KCNU1: variants seen among roughly 807,000 people sequenced by gnomAD.
The protein encoded by KCNU1 is potassium calcium-activated channel subfamily U member 1, also known as potassium channel subfamily U member 1.
Under a neutral mutation model 126.8 loss-of-function variants are expected in KCNU1, and 93 were observed. The ratio of observed to expected loss-of-function variants is 0.73; its 90% confidence interval spans 0.62 to 0.87. KCNU1 has a LOEUF of 0.87. Among genes scored for constraint, KCNU1 ranks in the 40% least tolerant of loss-of-function variants. KCNU1 has a pLI of 0.00. For missense variants in KCNU1, 1,330 were observed against 1,367.1 expected (o/e 0.97, Z 0.43); for synonymous variants, 523 against 494.2 (o/e 1.06, Z -0.77).
At chr8:36,841,608 A>G (rs1308308997) in intron 16 of KCNU1, among the ~76,000 whole-genome samples, 1 of 152,156 alleles carries the variant, frequency 6.6e-6, no homozygotes, top group East Asian at 1.9e-4. Context: ...ACGCATGAGA[A>G]TTGCTTGAAC....
At chr8:36,817,612 G>A (rs757912470) in intron 9 of KCNU1, 38 bp from the exon 10 acceptor site, 10 of 1,044,504 alleles carry the variant, frequency 9.6e-6, no homozygotes, top group Non-Finnish European at 1.5e-5. Flanking sequence ...GTGCTTATGT[G>A]CCTCGGATGA....
At chr8:36,931,276 A>G (rs1051360270) in intron 25 of KCNU1, 131 bp downstream of exon 25, 1 of 514,252 alleles carries the variant, frequency 1.9e-6, no homozygotes, top group Non-Finnish European at 3.4e-6. Context: ...TAACAAAAAA[A>G]GAATACAAGT....
At chr8:36,899,395 A>G (rs1186504554) in intron 19 of KCNU1, among the ~76,000 whole-genome samples, 1 of 151,956 alleles carries the variant, frequency 6.6e-6, no homozygotes, top group African/African-American at 2.4e-5. Context: ...CAAACAGAAC[A>G]CTCTGCTCAC....
chr8:36,895,021 A>T (rs1486311656), intron 19 of KCNU1, among the ~76,000 whole-genome samples: 1 of 152,078 alleles, frequency 6.6e-6, no homozygotes, highest in East Asian at 1.9e-4. Flanking sequence ...AAGAAATAAA[A>T]TCTGAATATC....
intron 24 of KCNU1, among the ~76,000 whole-genome samples, chr8:36,929,971 A>G (rs1006059212): frequency 3.3e-5 from 5 of 152,150 alleles, no homozygotes; most frequent in Non-Finnish European, 5.9e-5. Context: ...ATTTCAGAAG[A>G]TGGATCCCTG....
Position 36,909,326 on chromosome 8 carries a change from T to A in KCNU1, c.2122T>A (p.Ser708Thr). ...DKVTLKRTGK[S>T]KYKFRNHIVA... The stretch of plus-strand genomic sequence containing the variant: ...TTATCCTTAGAAACGAACTGGCAAG[T>A]CAAAGTATAAGTTTCGGAACCATAT... Residue 708 changes from serine to threonine, a missense_variant, in exon 21 of 27, where the codon TCA becomes ACA. Around this residue, in one of 3 missense-constraint regions of KCNU1, gnomAD observed 1,054 missense variants for 1,053.9 expected, o/e 1.00. Transcript: ENST00000399881. The A allele has an allele frequency of 6.2e-7, 1 of 1,612,716 alleles. No individual in the cohort carries two copies.
intron 24 of KCNU1, among the ~76,000 whole-genome samples, chr8:36,925,545 C>G (rs771913607): frequency 6.6e-6 from 1 of 152,162 alleles, no homozygotes; most frequent in Non-Finnish European, 1.5e-5. Context: ...TTTTCCTTCT[C>G]GTTTCCCTTC....
intron 19 of KCNU1, among the ~76,000 whole-genome samples, chr8:36,901,579 G>A (rs555494499): frequency 2.4e-4 from 37 of 152,026 alleles, no homozygotes; most frequent in Admixed American, 1.5e-3. Flanking sequence ...GCTTATTTGC[G>A]TGCTGCTCTA....
chr8:36,826,991 C>G (rs1461447793), intron 10 of KCNU1, among the ~76,000 whole-genome samples: 2 of 152,178 alleles, frequency 1.3e-5, no homozygotes, highest in African/African-American at 4.8e-5. Flanking sequence ...TTTGATTTTA[C>G]TGGCTGTGGC....
At chr8:36,908,414 C>A (rs893098512) in intron 20 of KCNU1, among the ~76,000 whole-genome samples, 9 of 151,970 alleles carry the variant, frequency 5.9e-5, no homozygotes, top group African/African-American at 2.2e-4. Flanking sequence ...GGTACATGTG[C>A]ACAATGTGCA....
Position 36,814,380 on chromosome 8 carries a change from G to A in KCNU1, c.903+3G>A, listed in dbSNP as rs1252008929. ...TGTTCTTCACACTGGGGAGTTTGGTGAAGAATATTTTTAATATATTTTGAA... is the reference window on the plus strand; with the variant it reads ...TGTTCTTCACACTGGGGAGTTTGGTAAAGAATATTTTTAATATATTTTGAA... On this transcript the variant is annotated splice_donor_region_variant and intron_variant, in intron 8 of 26. Transcript: ENST00000399881. 29 of 1,592,216 alleles carry A rather than the reference G, an allele frequency of 1.8e-5. No homozygotes were observed. The highest frequency in any genetic ancestry group is 2.3e-5 in the Non-Finnish European group (27 of 1,166,472).
intron 2 of KCNU1, among the ~76,000 whole-genome samples, chr8:36,792,209 T>C (rs1170660267): frequency 6.6e-6 from 1 of 152,232 alleles, no homozygotes; most frequent in East Asian, 1.9e-4. Context: ...AGTTTCTTCC[T>C]TCAAAGCTCT....
intron 22 of KCNU1, among the ~76,000 whole-genome samples, chr8:36,916,165 G>A (rs1049157849): frequency 1.4e-5 from 2 of 142,030 alleles, no homozygotes; most frequent in East Asian, 4.2e-4. Flanking sequence ...GGAGGGGAAA[G>A]GAAAGAAGGT....
chr8:36,870,777 C>T (rs1048638109), intron 19 of KCNU1, among the ~76,000 whole-genome samples: 2 of 152,172 alleles, frequency 1.3e-5, no homozygotes, highest in Non-Finnish European at 2.9e-5. Context: ...AAAGCATTCT[C>T]TGGTTCTTTC....
chr8:36,905,167 C>A (rs776917237), intron 19 of KCNU1, among the ~76,000 whole-genome samples: 8 of 152,060 alleles, frequency 5.3e-5, no homozygotes, highest in African/African-American at 1.2e-4. Context: ...AAGATCAGAG[C>A]AAAGTCTAGG....
At chr8:36,801,431 C>G (rs1803300667) in intron 2 of KCNU1, among the ~76,000 whole-genome samples, 1 of 148,570 alleles carries the variant, frequency 6.7e-6, no homozygotes, top group Non-Finnish European at 1.5e-5. Context: ...TTGTTTCTAT[C>G]TTTTTTTTTT....
intron 22 of KCNU1, among the ~76,000 whole-genome samples, chr8:36,912,324 G>A (rs1032654595): frequency 1.3e-5 from 2 of 152,194 alleles, no homozygotes; most frequent in Non-Finnish European, 2.9e-5. Flanking sequence ...GAATAAAACA[G>A]TAATCTAATC....
intron 21 of KCNU1, 92 bp downstream of exon 21, chr8:36,909,627 C>A: frequency 1.3e-6 from 1 of 764,558 alleles, no homozygotes; most frequent in South Asian, 1.8e-5. Context: ...GTTCTACAGT[C>A]CTTGCCAGAT....
intron 10 of KCNU1, among the ~76,000 whole-genome samples, chr8:36,819,628 C>T (rs927334702): frequency 3.3e-5 from 5 of 152,058 alleles, no homozygotes; most frequent in Admixed American, 2.0e-4. Context: ...CTCTTCTTCT[C>T]CCTTTATGTG....
Sources: allele counts gnomAD v4.1 joint callset (sites outside exome capture counted in the v4.1 genomes callset), GRCh38; gene constraint gnomAD v4.1.1; regional missense constraint gnomAD v4.1.1; transcripts MANE v1.5; gene names NCBI Gene and HGNC (gene_info 2026-07-23, HGNC 2026-07-21).